UBAP2: variants seen among roughly 807,000 people sequenced by gnomAD.
UBAP2 encodes ubiquitin associated protein 2, also known as ubiquitin-associated protein 2.
In UBAP2, 75 loss-of-function variants were observed where a neutral mutation model predicts 139.6. The ratio of observed to expected loss-of-function variants is 0.54; its 90% CI spans 0.45 to 0.65. UBAP2 has a LOEUF of 0.65. UBAP2 is among the 30% of genes least tolerant of loss of function. The pLI, the probability that UBAP2 is intolerant of heterozygous loss-of-function variation, is 0.00. For missense variants in UBAP2, 1,368 were observed against 1,369.6 expected (o/e 1.00, Z 0.02); for synonymous variants, 526 against 526.2 (o/e 1.00, Z 0.01).
intron 1 of UBAP2, among the ~76,000 whole-genome samples, chr9:34,043,068 C>CA (rs1035502210): frequency 3.3e-5 from 5 of 149,944 alleles, no homozygotes; most frequent in African/African-American, 7.3e-5. Flanking sequence ...ACCCTGTCTC[C>CA]AAAAAAAACA....
intron 16 of UBAP2, among the ~76,000 whole-genome samples, chr9:33,939,206 T>TTTTTTTTTTTTTC (rs575154458): frequency 2.7e-4 from 37 of 138,314 alleles, no homozygotes; most frequent in Non-Finnish European, 4.8e-4. Flanking sequence ...TTTTTTTTTT[T>TTTTTTTTTTTTTC]TTTTTGAGAT....
intron 1 of UBAP2, among the ~76,000 whole-genome samples, chr9:34,018,221 C>T (rs1044013350): frequency 1.6e-4 from 16 of 103,074 alleles, no homozygotes; most frequent in Non-Finnish European, 3.3e-4. Flanking sequence ...TTAGGGATAG[C>T]GATTACAATT....
chr9:33,934,273 T>C (rs56274755), intron 17 of UBAP2: 12,461 of 156,422 alleles, frequency 0.08, 720 homozygotes, highest in Non-Finnish European at 0.12. Context: ...TCAGAAAGGA[T>C]GTGGAGACAC....
chr9:34,038,201 A>G (rs1335919403), intron 1 of UBAP2, among the ~76,000 whole-genome samples: 1 of 149,752 alleles, frequency 6.7e-6, no homozygotes, highest in Non-Finnish European at 1.5e-5. Context: ...CTGTAATCCC[A>G]GCACTTTGAG....
chr9:34,008,670 T>C (rs1382787030), intron 2 of UBAP2, among the ~76,000 whole-genome samples: 4 of 151,210 alleles, frequency 2.6e-5, no homozygotes, highest in Admixed American at 6.6e-5. Flanking sequence ...TAGGCAATCC[T>C]TTATGTAAAA....
At chr9:34,035,514 A>AAAAAAAAAAAAAAATATATATATATAT in intron 1 of UBAP2, among the ~76,000 whole-genome samples, 1 of 22,490 alleles carries the variant, frequency 4.4e-5, no homozygotes, top group African/African-American at 1.3e-4. Context: ...AAAAAAAAAA[A>AAAAAAAAAAAAAAATATATATATATAT]ATATATATAT....
Position 33,943,589 on chromosome 9 carries a change from T to C in UBAP2, c.1546A>G (p.Ile516Val). The C allele has an allele frequency of 1.2e-6, 2 of 1,613,826 alleles. No homozygotes were observed. Among genetic ancestry groups the C allele is most frequent in the South Asian group, 2.2e-5 (2 of 91,076 alleles). Residue 516 changes from isoleucine (I) to valine (V), a missense_variant and splice_region_variant, in exon 15 of 29, where the codon ATC (isoleucine) becomes GTC (valine). Coordinates refer to ENST00000379238, the MANE Select transcript of UBAP2 (RefSeq NM_001370062.2). Reference sequence around the variant, plus strand: ...GGCATTTCCACTGCAGAAGCTGGGATCTGAAAAAGCAAAGCTGTCGTGTCA... The same window carrying C: ...GGCATTTCCACTGCAGAAGCTGGGACCTGAAAAAGCAAAGCTGTCGTGTCA... Reference protein sequence around the residue: ...AKRRIPPASKIPASAVEMPGS... With the variant: ...AKRRIPPASKVPASAVEMPGS...
At chr9:33,980,054 G>A (rs1425380247) in intron 6 of UBAP2, among the ~76,000 whole-genome samples, 1 of 151,792 alleles carries the variant, frequency 6.6e-6, no homozygotes, top group African/African-American at 2.4e-5. Context: ...TCCAGCCTGG[G>A]CGACAGAGAC....
Position 33,960,613 on chromosome 9 carries a change from TA to T in UBAP2, c.798+212del, listed in dbSNP as rs928788739. 1.1e-4 allele frequency among the ~76,000 whole-genome samples: 17 copies of T among 148,588 alleles called. No individual in the cohort carries two copies. In the South Asian group the frequency reaches 1.9e-3, roughly 17 times the overall value. ...CAAAATGGTGAAACATCGTCTCTAC[TA>T]AAAAAAAAATACAAAATTAGCCAGG... On this transcript the variant is annotated intron_variant, in intron 10 of 28. Transcript: ENST00000379238.
chr9:33,980,513 T>C (rs1259815453), intron 6 of UBAP2, among the ~76,000 whole-genome samples: 1 of 151,864 alleles, frequency 6.6e-6, no homozygotes, highest in Non-Finnish European at 1.5e-5. Context: ...AGTGCTGGGA[T>C]TACAGGCGTG....
At chr9:33,987,624 A>AAT (rs1415775198) in intron 5 of UBAP2, among the ~76,000 whole-genome samples, 2 of 152,008 alleles carry the variant, frequency 1.3e-5, no homozygotes, top group Non-Finnish European at 2.9e-5. Flanking sequence ...AAGTGAAAAA[A>AAT]ATATATATAT....
chr9:33,963,012 TAA>T (rs957544666), intron 9 of UBAP2, among the ~76,000 whole-genome samples: 6 of 151,790 alleles, frequency 4.0e-5, no homozygotes, highest in Admixed American at 3.3e-4. Context: ...ATAATAAAAA[TAA>T]AAAAGACTGG....
In UBAP2 at chr9:33,948,600, G is replaced by T; in HGVS notation, c.1057-13C>A. 1 of 1,611,454 alleles carries T rather than the reference G, an allele frequency of 6.2e-7. No individual in the cohort carries two copies. On this transcript the variant is annotated splice_polypyrimidine_tract_variant and intron_variant, in intron 12 of 28. Coordinates refer to ENST00000379238, the MANE Select transcript of UBAP2 (RefSeq NM_001370062.2). ...CAAGGACGGATGACTTTAAAAGGGGGATAAAAGAACAAATCCTCAACAATA... is the reference window on the plus strand; with the variant it reads ...CAAGGACGGATGACTTTAAAAGGGGTATAAAAGAACAAATCCTCAACAATA...
chr9:33,998,534 G>C, intron 3 of UBAP2: 1 of 367,790 alleles, frequency 2.7e-6, no homozygotes, highest in South Asian at 5.2e-5. Context: ...AGAAATGTCT[G>C]GTTCAATGTT....
chr9:33,956,071 G>T lies in UBAP2; in HGVS notation c.866+8C>A. 1 of 1,603,148 alleles carries T rather than the reference G, an allele frequency of 6.2e-7. No individual in the cohort carries two copies. Among genetic ancestry groups the T allele is most frequent in the Non-Finnish European group, 8.5e-7 (1 of 1,173,378 alleles). On this transcript the variant is annotated splice_region_variant and intron_variant, in intron 11 of 28. Transcript: ENST00000379238. ...AATAACAAATATAAGATGGCAAAAA[G>T]TATTTACCTTTGCCCAGGTAAGATG...
chr9:33,966,891 TC>T lies in UBAP2; in HGVS notation c.680-3101del, dbSNP rs1195276228. Among the ~76,000 whole-genome samples, 16 of 152,198 alleles carry T rather than the reference TC, an allele frequency of 1.1e-4. No individual in the cohort carries two copies. The East Asian group carries it at 3.1e-3, about 29-fold the overall frequency. ...TACATATAAAAACTACATCAACAAATCTAATTTTTTTTAAAAATCAGTGGGG... is the reference window on the plus strand; with the variant it reads ...TACATATAAAAACTACATCAACAAATTAATTTTTTTTAAAAATCAGTGGGG... On this transcript the variant is annotated intron_variant, in intron 8 of 28. Coordinates refer to ENST00000379238, the MANE Select transcript of UBAP2 (RefSeq NM_001370062.2).
intron 2 of UBAP2, among the ~76,000 whole-genome samples, chr9:34,000,435 T>C (rs1317829779): frequency 6.6e-6 from 1 of 152,226 alleles, no homozygotes; most frequent in Non-Finnish European, 1.5e-5. Context: ...TGTGCCAGTC[T>C]GGTTTCTTAG....
intron 4 of UBAP2, among the ~76,000 whole-genome samples, chr9:33,992,021 A>G (rs1162502603): frequency 2.0e-5 from 3 of 152,198 alleles, no homozygotes; most frequent in Non-Finnish European, 4.4e-5. Context: ...TGGGAGCCCA[A>G]GGTGGGCAGA....
At position 33,932,630 on chromosome 9, in the gene UBAP2, T is replaced by A; in HGVS notation, c.2109-2A>T. The A allele has an allele frequency of 6.2e-7, 1 of 1,613,964 alleles. No homozygotes were observed. Among genetic ancestry groups the A allele is most frequent in the African/African-American group, 1.3e-5 (1 of 75,036 alleles). ...CTGCTCTGGTGGCTGGAGAGCGAAC[T>A]AGAAGACAAAACAGAGCGCCGTATG... is the stretch of plus-strand genomic sequence containing the variant. On this transcript the variant is annotated splice_acceptor_variant, in intron 18 of 28. Coordinates refer to ENST00000379238, the MANE Select transcript of UBAP2 (RefSeq NM_001370062.2). LOFTEE classifies it high-confidence loss of function.
Sources: allele counts gnomAD v4.1 joint callset (sites outside exome capture counted in the v4.1 genomes callset), GRCh38; gene constraint gnomAD v4.1.1; transcripts MANE v1.5; gene names NCBI Gene and HGNC (gene_info 2026-07-23, HGNC 2026-07-21).